MEDAG: variants seen among roughly 807,000 people sequenced by gnomAD.
MEDAG encodes mesenteric estrogen dependent adipogenesis, also known as mesenteric estrogen-dependent adipogenesis protein.
In MEDAG, 25 loss-of-function variants were observed where a neutral mutation model predicts 29.9. The observed-to-expected ratio is 0.84, with a 90% CI of 0.61 to 1.17. The LOEUF is 1.17. Ranked by LOEUF, MEDAG falls within the 50% of genes most tolerant of loss-of-function variation. The pLI, the probability that MEDAG is intolerant of heterozygous loss-of-function variation, is 0.00. For synonymous variants in MEDAG, 158 were observed against 148.2 expected (o/e 1.07, Z -0.48); for missense variants, 398 against 372.9 (o/e 1.07, Z -0.56).
intron 1 of MEDAG, among the ~76,000 whole-genome samples, chr13:30,915,752 T>C (rs551617899): frequency 2.3e-4 from 35 of 152,080 alleles, no homozygotes; most frequent in South Asian, 6.2e-4. Flanking sequence ...GGAAGACCCA[T>C]ACCAAAGCCA....
intron 2 of MEDAG, 120 bp downstream of exon 2, chr13:30,917,632 T>G: frequency 1.6e-6 from 1 of 624,298 alleles, no homozygotes; most frequent in Non-Finnish European, 2.8e-6. Flanking sequence ...GGCTTCTGCT[T>G]CTGGGGAGGC....
In MEDAG at chr13:30,921,039, C is replaced by T. The variant is rs1433799998; in HGVS notation, c.414C>T (p.Asn138=). ...AAAGGACGTACGCGTTTCTTGTAAA[C>T]ACGAGGCACCCCAAGATAAGAAGAC... is the stretch of plus-strand genomic sequence containing the variant. ...SKERTYAFLV[N]TRHPKIRRQI... The change falls in exon 3 of 5, where the codon AAC becomes AAT. Residue 138 remains asparagine, a synonymous_variant. Transcript: ENST00000380482. The T allele has an allele frequency of 1.2e-6, 2 of 1,613,986 alleles. No individual in the cohort carries two copies. Among genetic ancestry groups the T allele is most frequent in the Admixed American group, 1.7e-5 (1 of 60,012 alleles).
rs2138131716 is a variant in MEDAG, at chr13:30,924,578, T to A, written c.*143T>A. The A allele has an allele frequency of 2.6e-6, 2 of 780,730 alleles. No individual in the cohort carries two copies. The highest frequency in any genetic ancestry group is 2.7e-5 in the East Asian group (1 of 37,102). The allele number at this position is 780,730 out of a possible 1,614,324, so 48.4% of individuals were successfully genotyped here. On this transcript the variant is annotated 3_prime_UTR_variant, in exon 5 of 5. Coordinates refer to ENST00000380482, the MANE Select transcript of MEDAG (RefSeq NM_032849.4). ...CTCCATGGCTTCTATGGAGGACTCC[T>A]CTCTTCTGCTTCTGTGGATGTGATG...
intron 1 of MEDAG, chr13:30,916,853 G>C (rs573544677): frequency 3.9e-5 from 6 of 152,416 alleles, no homozygotes; most frequent in African/African-American, 1.4e-4. Flanking sequence ...AGTTGTTTTC[G>C]TTTTTTAATT....
intron 3 of MEDAG, among the ~76,000 whole-genome samples, 189 bp downstream of exon 3, chr13:30,921,315 G>A (rs978402816): frequency 1.3e-5 from 2 of 152,184 alleles, no homozygotes; most frequent in African/African-American, 4.8e-5. Flanking sequence ...TTAGTTCTTA[G>A]CAACCTATTA....
At chr13:30,907,091 A>T (rs1952838448) in intron 1 of MEDAG, among the ~76,000 whole-genome samples, 1 of 152,224 alleles carries the variant, frequency 6.6e-6, no homozygotes, top group African/African-American at 2.4e-5. Flanking sequence ...CATGAGTGGC[A>T]GATGCTTCTC....
chr13:30,912,217 T>G (rs183726630), intron 1 of MEDAG, among the ~76,000 whole-genome samples: 3 of 152,128 alleles, frequency 2.0e-5, no homozygotes, highest in Admixed American at 2.0e-4. Flanking sequence ...CACATTAGAG[T>G]GAGAAGTCTA....
intron 4 of MEDAG, chr13:30,922,440 G>A (rs528622664): frequency 5.9e-5 from 9 of 152,166 alleles, no homozygotes; most frequent in Admixed American, 2.6e-4. Flanking sequence ...AGTTTTAGTA[G>A]AGATGGGGTT....
At chr13:30,917,304 C>A in intron 1 of MEDAG, 99 bp from the exon 2 acceptor site, 1 of 760,896 alleles carries the variant, frequency 1.3e-6, no homozygotes, top group Non-Finnish European at 2.3e-6. Flanking sequence ...AACTTCCCTC[C>A]AAGGTCTGTG....
intron 1 of MEDAG, among the ~76,000 whole-genome samples, chr13:30,915,453 T>C (rs1420066750): frequency 2.0e-5 from 3 of 152,130 alleles, no homozygotes; most frequent in Non-Finnish European, 4.4e-5. Flanking sequence ...GAGACACATG[T>C]AAATGCTCAC....
chr13:30,907,844 C>T (rs118105647), intron 1 of MEDAG, among the ~76,000 whole-genome samples: 2,219 of 152,310 alleles, frequency 0.015, 24 homozygotes, highest in Non-Finnish European at 0.022. Context: ...AGATATTGAA[C>T]GTGCAGTCTT....
rs1285378894 is a variant in MEDAG, at chr13:30,924,477, T to C, written c.*42T>C. The C allele has an allele frequency of 3.8e-6, 6 of 1,588,808 alleles. No individual in the cohort carries two copies. Among genetic ancestry groups the C allele is most frequent in the Non-Finnish European group, 5.1e-6 (6 of 1,165,824 alleles). ...AGCAGTTGCTCCCGCACTCCAGGCC[T>C]GTGCTAGACTATAGGCTGGGGGGAG... On this transcript the variant is annotated 3_prime_UTR_variant, in exon 5 of 5. Coordinates refer to ENST00000380482, the MANE Select transcript of MEDAG (RefSeq NM_032849.4).
intron 1 of MEDAG, among the ~76,000 whole-genome samples, chr13:30,907,210 C>T (rs1952839429): frequency 6.6e-6 from 1 of 152,150 alleles, no homozygotes; most frequent in Admixed American, 6.5e-5. Flanking sequence ...GCATGGGTGG[C>T]GGTGAGGAGC....
chr13:30,916,061 CA>C (rs1374412463), intron 1 of MEDAG: 2 of 152,172 alleles, frequency 1.3e-5, no homozygotes, highest in Non-Finnish European at 2.9e-5. Flanking sequence ...GAGGCTCCAT[CA>C]GGGGTCAGGT....
At chr13:30,920,546 A>G (rs937826218) in intron 2 of MEDAG, among the ~76,000 whole-genome samples, 2 of 151,958 alleles carry the variant, frequency 1.3e-5, no homozygotes, top group African/African-American at 4.8e-5. Context: ...CTTTGATTAC[A>G]CCACTGTACT....
chr13:30,906,910 T>C, intron 1 of MEDAG, 117 bp downstream of exon 1: 2 of 1,066,838 alleles, frequency 1.9e-6, no homozygotes, highest in South Asian at 3.8e-5. Flanking sequence ...GCGTGGCCCC[T>C]TGCTCCGTGC....
At chr13:30,916,755 G>C (rs1952933330) in intron 1 of MEDAG, 1 of 152,340 alleles carries the variant, frequency 6.6e-6, no homozygotes, top group Non-Finnish European at 1.5e-5. Flanking sequence ...GGATGACAGA[G>C]TCAGGATTCA....
At chr13:30,919,239 A>C (rs1158644785) in intron 2 of MEDAG, among the ~76,000 whole-genome samples, 1 of 152,240 alleles carries the variant, frequency 6.6e-6, no homozygotes, top group Non-Finnish European at 1.5e-5. Context: ...GTCAATTTTA[A>C]ATTGCAAAAT....
Position 30,924,613 on chromosome 13 carries a change from G to A in MEDAG, c.*178G>A. 1.8e-6 allele frequency: 1 copy of A among 566,822 alleles called. No homozygotes were observed. Among genetic ancestry groups the A allele is most frequent in the Non-Finnish European group, 2.9e-6 (1 of 339,310 alleles). 35.1% of individuals were successfully genotyped at this position (566,822 alleles called of 1,614,324 possible). A position where few individuals can be genotyped will look rare whatever the true frequency, so the allele number is the denominator to read the frequency against. ...TTCTGTGGATGTGATGCCCTGGCAG[G>A]CCCAGGGCAGCTGATTCCCCTAAAA... is the stretch of plus-strand genomic sequence containing the variant. On this transcript the variant is annotated 3_prime_UTR_variant, in exon 5 of 5. Coordinates refer to ENST00000380482, the MANE Select transcript of MEDAG (RefSeq NM_032849.4).
Sources: allele counts gnomAD v4.1 joint callset (sites outside exome capture counted in the v4.1 genomes callset), GRCh38; gene constraint gnomAD v4.1.1; transcripts MANE v1.5; gene names NCBI Gene and HGNC (gene_info 2026-07-23, HGNC 2026-07-21).